The following RBFOX1 variants were observed in gnomAD, a reference collection of about 807,000 sequenced individuals.
RBFOX1 encodes RNA binding fox-1 homolog 1.
A neutral mutation model predicts 57.7 loss-of-function variants in RBFOX1; 8 were observed. That is an observed-to-expected ratio of 0.14 (90% CI 0.08 to 0.25). The LOEUF is 0.25. RBFOX1 is among the 10% of genes least tolerant of loss of function. The probability of loss-of-function intolerance (pLI) is 1.00; values close to 1 mark genes in which losing one functional copy is unlikely to be tolerated. For missense variants in RBFOX1, 611 were observed against 548.5 expected (o/e 1.11, Z -1.14); for synonymous variants, 326 against 222.4 (o/e 1.47, Z -4.15).
At chr16:7,478,446 G>T (rs1204746313) in intron 4 of RBFOX1, among the ~76,000 whole-genome samples, 1 of 152,204 alleles carries the variant, frequency 6.6e-6, no homozygotes, top group East Asian at 1.9e-4. Flanking sequence ...AATCTGAGCT[G>T]CTGAAGAGAA....
At chr16:7,136,295 T>A (rs2071935808) in intron 4 of RBFOX1, among the ~76,000 whole-genome samples, 2 of 152,190 alleles carry the variant, frequency 1.3e-5, no homozygotes, top group South Asian at 4.1e-4. Flanking sequence ...CAGTTCAGTT[T>A]GTCTCATATT....
chr16:6,480,856 A>C (rs191810381), intron 2 of RBFOX1, among the ~76,000 whole-genome samples: 1 of 152,280 alleles, frequency 6.6e-6, no homozygotes, highest in African/African-American at 2.4e-5. Flanking sequence ...GGAGGTATTC[A>C]TATGTGGCTT....
intron 3 of RBFOX1, among the ~76,000 whole-genome samples, chr16:7,043,593 T>C (rs983997551): frequency 6.6e-6 from 1 of 152,236 alleles, no homozygotes; most frequent in Non-Finnish European, 1.5e-5. Flanking sequence ...TGATTTGATA[T>C]ATTGAGTTCT....
At chr16:6,091,685 C>T (rs1173893083) in intron 1 of RBFOX1, among the ~76,000 whole-genome samples, 1 of 152,104 alleles carries the variant, frequency 6.6e-6, no homozygotes, top group Non-Finnish European at 1.5e-5. Context: ...TAAAAATTAG[C>T]CAGGTGTGGT....
At chr16:6,832,418 C>A (rs879550256) in intron 3 of RBFOX1, among the ~76,000 whole-genome samples, 1 of 152,126 alleles carries the variant, frequency 6.6e-6, no homozygotes, top group Non-Finnish European at 1.5e-5. Flanking sequence ...ACTGAGGGGT[C>A]TGCATTACTC....
chr16:6,779,034 A>G (rs2079880821), intron 3 of RBFOX1, among the ~76,000 whole-genome samples: 1 of 152,016 alleles, frequency 6.6e-6, no homozygotes, highest in Non-Finnish European at 1.5e-5. Flanking sequence ...CTACTACTCT[A>G]GTTATTTTGA....
chr16:5,942,189 G>T (rs1426334967), intron 4 of RBFOX1, among the ~76,000 whole-genome samples: 1 of 152,156 alleles, frequency 6.6e-6, no homozygotes, highest in Non-Finnish European at 1.5e-5. Flanking sequence ...CAGCTAAATG[G>T]GAGACTGGAG....
In RBFOX1 at chr16:5,946,431, C is replaced by A. The variant is rs564831034; in HGVS notation, c.351+79096C>A. Among the ~76,000 whole-genome samples the A allele has an allele frequency of 6.6e-6, 1 of 152,156 alleles. No homozygotes were observed. The highest frequency in any genetic ancestry group is 1.5e-5 in the Non-Finnish European group (1 of 68,026). Reference sequence around the variant, plus strand: ...GTGCCGGATGCACTACTCTATCTTGCGACAGAGCCATGAACAGCTCAGCCA... The same window carrying A: ...GTGCCGGATGCACTACTCTATCTTGAGACAGAGCCATGAACAGCTCAGCCA... On this transcript the variant is annotated intron_variant, in intron 4 of 19. Coordinates refer to the RBFOX1 transcript ENST00000641259. The surrounding 1 kb of genome is among the most constrained non-coding windows in gnomAD (Gnocchi z 4.6).
At chr16:5,288,798 G>A (rs765289810) in intron 1 of RBFOX1, among the ~76,000 whole-genome samples, 1 of 151,960 alleles carries the variant, frequency 6.6e-6, no homozygotes, top group South Asian at 2.1e-4. Context: ...GCATCACAGC[G>A]GCATGATCTC....
intron 2 of RBFOX1, among the ~76,000 whole-genome samples, chr16:5,556,851 C>G (rs1239204424): frequency 2.6e-5 from 4 of 152,232 alleles, no homozygotes; most frequent in Non-Finnish European, 5.9e-5. Context: ...TATTACTTCC[C>G]TGTCATTGAC....
chr16:6,927,049 C>T (rs1259992006), intron 3 of RBFOX1, among the ~76,000 whole-genome samples: 1 of 152,050 alleles, frequency 6.6e-6, no homozygotes, highest in East Asian at 1.9e-4. Flanking sequence ...TACCTAAATC[C>T]ACCCACCATT....
intron 3 of RBFOX1, among the ~76,000 whole-genome samples, chr16:7,022,520 G>A (rs570622766): frequency 6.6e-6 from 1 of 152,030 alleles, no homozygotes; most frequent in African/African-American, 2.4e-5. Flanking sequence ...CAGATTCCCT[G>A]TGAGGTCAGG....
At chr16:6,821,149 C>T (rs897801062) in intron 3 of RBFOX1, among the ~76,000 whole-genome samples, 1 of 152,188 alleles carries the variant, frequency 6.6e-6, no homozygotes. Context: ...CCAGGTTTAT[C>T]TGCCCATGTT....
chr16:7,147,003 G>C, intron 4 of RBFOX1, among the ~76,000 whole-genome samples: 1 of 116,306 alleles, frequency 8.6e-6, no homozygotes, highest in Non-Finnish European at 1.8e-5. Flanking sequence ...TTTTTGAGAT[G>C]GCGTCTCCCT....
chr16:7,154,864 T>G (rs886972038), intron 4 of RBFOX1, among the ~76,000 whole-genome samples: 1 of 152,158 alleles, frequency 6.6e-6, no homozygotes, highest in African/African-American at 2.4e-5. Context: ...TGTATTGTTA[T>G]GAAACCCACT....
At chr16:7,656,485 C>T (rs974333130) in intron 12 of RBFOX1, among the ~76,000 whole-genome samples, 10 of 151,872 alleles carry the variant, frequency 6.6e-5, no homozygotes, top group Non-Finnish European at 1.3e-4. Flanking sequence ...AGAGCAAGAA[C>T]CCCTATGTTG....
chr16:6,995,922 AG>A lies in RBFOX1; in HGVS notation c.-15-56133del, dbSNP rs571078432. Reference sequence around the variant, plus strand: ...CATAAATTTATTAGAAAGCATATATAGGAAAAAACAACCCAGTTCCTTTGAG... The same window carrying A: ...CATAAATTTATTAGAAAGCATATATAGAAAAAACAACCCAGTTCCTTTGAG... On this transcript the variant is annotated intron_variant, in intron 3 of 15. Coordinates refer to ENST00000550418, the MANE Select transcript of RBFOX1 (RefSeq NM_018723.4). Among the ~76,000 whole-genome samples, 12 of 152,326 alleles carry A rather than the reference AG, an allele frequency of 7.9e-5. No individual in the cohort carries two copies. In the East Asian group the frequency reaches 2.3e-3, roughly 29 times the overall value.
intron 4 of RBFOX1, among the ~76,000 whole-genome samples, chr16:7,402,277 T>G (rs2098257740): frequency 6.6e-6 from 1 of 152,208 alleles, no homozygotes; most frequent in Non-Finnish European, 1.5e-5. Flanking sequence ...CGGACGTTGT[T>G]AACTGCCCTG....
chr16:5,901,997 A>C (rs2058315449), intron 4 of RBFOX1, among the ~76,000 whole-genome samples: 2 of 152,146 alleles, frequency 1.3e-5, no homozygotes, highest in Middle Eastern at 3.2e-3. Context: ...ACTACCTGTA[A>C]CTTCCCATTA....
Sources: allele counts gnomAD v4.1 joint callset (sites outside exome capture counted in the v4.1 genomes callset), GRCh38; gene constraint gnomAD v4.1.1; non-coding constraint Gnocchi (gnomAD v3.1); transcripts MANE v1.5; gene names NCBI Gene and HGNC (gene_info 2026-07-23, HGNC 2026-07-21).